EXOC4: variants seen among roughly 807,000 people sequenced by gnomAD.
EXOC4 encodes exocyst complex component 4.
Under a neutral mutation model 107.2 loss-of-function variants are expected in EXOC4, and 71 were observed. That is an observed-to-expected ratio of 0.66 (90% CI 0.55 to 0.81). The LOEUF is 0.81. Among genes scored for constraint, EXOC4 ranks in the 30% least tolerant of loss-of-function variants. EXOC4 has a pLI of 0.00. For missense variants in EXOC4, 1,108 were observed against 1,189.6 expected, an observed-to-expected ratio of 0.93 and a Z score of 1.01; for synonymous variants, 456 against 441.2, an observed-to-expected ratio of 1.03 and a Z score of -0.42.
chr7:133,327,502 C>T (rs1795276777), intron 5 of EXOC4, among the ~76,000 whole-genome samples: 1 of 152,028 alleles, frequency 6.6e-6, no homozygotes, highest in Non-Finnish European at 1.5e-5. Flanking sequence ...TTTGCTCTTG[C>T]TTCTCTTGTT....
At chr7:133,679,625 G>T (rs906888678) in intron 10 of EXOC4, among the ~76,000 whole-genome samples, 2 of 152,156 alleles carry the variant, frequency 1.3e-5, no homozygotes, top group East Asian at 3.9e-4. Flanking sequence ...TGGCCCTGGG[G>T]AGTGGTTTTA....
intron 10 of EXOC4, among the ~76,000 whole-genome samples, chr7:133,735,161 G>A (rs2151121455): frequency 7.2e-6 from 1 of 139,010 alleles, no homozygotes; most frequent in East Asian, 2.3e-4. Flanking sequence ...TGGAGGTGGA[G>A]GTTGCAGTGA....
chr7:134,007,608 A>T, intron 16 of EXOC4, 68 bp from the exon 17 acceptor site: 1 of 1,445,862 alleles, frequency 6.9e-7, no homozygotes, highest in Non-Finnish European at 9.3e-7. Context: ...TTCTGTGTGC[A>T]AGTTTCTGCA....
chr7:133,763,597 T>C (rs961977436), intron 10 of EXOC4, among the ~76,000 whole-genome samples: 1 of 152,008 alleles, frequency 6.6e-6, no homozygotes, highest in Non-Finnish European at 1.5e-5. Context: ...AGTTTTTGAA[T>C]AGCACTTAGT....
chr7:133,493,238 A>G (rs1032077443), intron 9 of EXOC4, among the ~76,000 whole-genome samples: 1 of 152,190 alleles, frequency 6.6e-6, no homozygotes, highest in Admixed American at 6.5e-5. Flanking sequence ...CAACCTGGCC[A>G]ACATGGTGAA....
intron 7 of EXOC4, among the ~76,000 whole-genome samples, chr7:133,407,100 G>C (rs1268971078): frequency 6.6e-6 from 1 of 152,124 alleles, no homozygotes; most frequent in East Asian, 1.9e-4. Context: ...ATCCTGCTGT[G>C]TCGGTTTAAT....
At chr7:133,324,408 G>A (rs962040242) in intron 5 of EXOC4, among the ~76,000 whole-genome samples, 2 of 152,156 alleles carry the variant, frequency 1.3e-5, no homozygotes, top group African/African-American at 4.8e-5. Context: ...CTGGTATGTT[G>A]TGTCTTTGTT....
intron 6 of EXOC4, among the ~76,000 whole-genome samples, chr7:133,371,339 C>T (rs1250380704): frequency 6.6e-6 from 1 of 152,140 alleles, no homozygotes; most frequent in Non-Finnish European, 1.5e-5. Flanking sequence ...TCACCACTAC[C>T]TGGTTCCAGC....
At chr7:133,703,653 G>C (rs1794710688) in intron 10 of EXOC4, among the ~76,000 whole-genome samples, 1 of 152,182 alleles carries the variant, frequency 6.6e-6, no homozygotes, top group African/African-American at 2.4e-5. Context: ...TGAGATCATA[G>C]CCTTTTCCTA....
intron 10 of EXOC4, among the ~76,000 whole-genome samples, chr7:133,780,808 A>C (rs1445363783): frequency 3.3e-5 from 5 of 152,204 alleles, no homozygotes; most frequent in Admixed American, 3.3e-4. Context: ...ATTCTCTTGA[A>C]GGGAGATCTA....
chr7:133,814,285 G>A (rs750817623), intron 10 of EXOC4, among the ~76,000 whole-genome samples: 1 of 152,060 alleles, frequency 6.6e-6, no homozygotes, highest in Non-Finnish European at 1.5e-5. Flanking sequence ...ATTGATCTGA[G>A]CTTGCTTTTT....
At chr7:134,039,746 A>T (rs536326802) in intron 17 of EXOC4, among the ~76,000 whole-genome samples, 2 of 152,154 alleles carry the variant, frequency 1.3e-5, no homozygotes. Flanking sequence ...ATCTTCTCTC[A>T]TACAGCAGGT....
At chr7:133,687,025 G>C (rs201563326) in intron 10 of EXOC4, among the ~76,000 whole-genome samples, 5 of 116,958 alleles carry the variant, frequency 4.3e-5, no homozygotes, top group East Asian at 6.3e-4. Flanking sequence ...GTGTGTGTGT[G>C]TGTGTGTGTG....
In EXOC4 at chr7:133,787,963, T is replaced by TTATATATATATATATA. The variant is rs1163259405; in HGVS notation, c.1515-29328_1515-29313dup. 6.6e-4 allele frequency among the ~76,000 whole-genome samples: 27 copies of TTATATATATATATATA among 40,948 alleles called. 1 individual carries two copies. The highest frequency in any genetic ancestry group is 1.6e-3 in the Admixed American group (4 of 2,560). The allele number at this position is 40,948 out of a possible 152,430, so 26.9% of individuals were successfully genotyped here. A position where few individuals can be genotyped will look rare whatever the true frequency, so the allele number is the denominator to read the frequency against. On this transcript the variant is annotated intron_variant, in intron 10 of 17. Transcript: ENST00000253861. Reference sequence around the variant, plus strand: ...CTTCCCTGTGCATATATTTATATATTTATATATATATATATATATATATAT... The same window carrying TTATATATATATATATA: ...CTTCCCTGTGCATATATTTATATATTTATATATATATATATATATATATATATATATATATATATAT...
At chr7:133,571,115 C>T (rs952485864) in intron 9 of EXOC4, among the ~76,000 whole-genome samples, 7 of 151,998 alleles carry the variant, frequency 4.6e-5, no homozygotes, top group East Asian at 1.9e-4. Flanking sequence ...ATTTAAAGAA[C>T]GATATTTTTT....
At chr7:133,383,099 C>G (rs554625934) in intron 7 of EXOC4, among the ~76,000 whole-genome samples, 1 of 152,212 alleles carries the variant, frequency 6.6e-6, no homozygotes, top group African/African-American at 2.4e-5. Flanking sequence ...CAAAATGACA[C>G]CTACTTGGTG....
At chr7:133,365,686 G>A (rs1048774909) in intron 6 of EXOC4, among the ~76,000 whole-genome samples, 2 of 152,058 alleles carry the variant, frequency 1.3e-5, no homozygotes, top group African/African-American at 2.4e-5. Context: ...GTGGTAAAAC[G>A]TATTTCTATC....
chr7:133,829,116 C>CAAAA (rs1370164162), intron 11 of EXOC4, among the ~76,000 whole-genome samples: 3 of 152,112 alleles, frequency 2.0e-5, no homozygotes, highest in Non-Finnish European at 4.4e-5. Context: ...GAACAACAGT[C>CAAAA]ACAATGTAAG....
At chr7:133,572,999 G>T (rs1206665641) in intron 9 of EXOC4, among the ~76,000 whole-genome samples, 2 of 152,136 alleles carry the variant, frequency 1.3e-5, no homozygotes, top group Non-Finnish European at 2.9e-5. Flanking sequence ...CAGATTCTAA[G>T]ATTATGTTTC....
Sources: allele counts gnomAD v4.1 joint callset (sites outside exome capture counted in the v4.1 genomes callset), GRCh38; gene constraint gnomAD v4.1.1; transcripts MANE v1.5; gene names NCBI Gene and HGNC (gene_info 2026-07-23, HGNC 2026-07-21).